The following PBX3 variants were observed in gnomAD, a reference collection of about 807,000 sequenced individuals.
PBX3 encodes PBX homeobox 3.
In PBX3, 14 loss-of-function variants were observed where a neutral mutation model predicts 48.5. That is an observed-to-expected ratio of 0.29 (90% CI 0.19 to 0.45). PBX3 has a LOEUF of 0.45. PBX3 is among the 20% of genes least tolerant of loss of function. PBX3 has a pLI of 1.00. For synonymous variants in PBX3, 210 were observed against 200.3 expected (o/e 1.05, Z -0.41); for missense variants, 386 against 546.7 (o/e 0.71, Z 2.93).
chr9:125,925,432 T>C (rs1364504254), intron 3 of PBX3, among the ~76,000 whole-genome samples: 3 of 151,986 alleles, frequency 2.0e-5, no homozygotes, highest in African/African-American at 7.2e-5. Context: ...ATTAACAGTT[T>C]TTTTGTCTTT....
At chr9:125,957,091 C>T (rs951303640) in intron 5 of PBX3, among the ~76,000 whole-genome samples, 2 of 152,194 alleles carry the variant, frequency 1.3e-5, no homozygotes, top group Admixed American at 1.3e-4. Context: ...GCAGTGTGGT[C>T]TTAATAGCTG....
chr9:125,910,601 C>T (rs1256529467), intron 2 of PBX3, among the ~76,000 whole-genome samples: 1 of 151,596 alleles, frequency 6.6e-6, no homozygotes, highest in African/African-American at 2.4e-5. Context: ...ACATGAAAAA[C>T]GTGCACACAC....
chr9:125,834,514 C>T (rs1260492096), intron 2 of PBX3, among the ~76,000 whole-genome samples: 2 of 151,770 alleles, frequency 1.3e-5, no homozygotes, highest in Non-Finnish European at 2.9e-5. Flanking sequence ...TCTCCTGCCT[C>T]AGCCTCCCGA....
At chr9:125,827,400 GCTCA>G (rs1422662046) in intron 2 of PBX3, among the ~76,000 whole-genome samples, 1 of 152,018 alleles carries the variant, frequency 6.6e-6, no homozygotes, top group African/African-American at 2.4e-5. Context: ...CATCCGTTCA[GCTCA>G]CTAACTTCCC....
Position 125,929,671 on chromosome 9 carries a change from C to T in PBX3, c.533C>T (p.Thr178Ile). Reference sequence around the variant, plus strand: ...CCATTACAGGCATGTAATGAATTTACTACACATGTGATGAACCTTCTCCGA... The same window carrying T: ...CCATTACAGGCATGTAATGAATTTATTACACATGTGATGAACCTTCTCCGA... ...EKYEQACNEFTTHVMNLLREQ... is the reference protein window; with the variant it reads ...EKYEQACNEFITHVMNLLREQ... The change falls in exon 4 of 9, where the codon ACT becomes ATT. Residue 178 changes from threonine (T) to isoleucine (I), a missense_variant. By Grantham distance (89) the Thr-to-Ile change is moderately conservative (BLOSUM62 -1). This residue lies in a region of PBX3 where 74 missense variants were observed against 206.1 expected (regional missense o/e 0.36). Coordinates refer to ENST00000373489, the MANE Select transcript of PBX3 (RefSeq NM_006195.6). 5 of 1,608,910 alleles carry T rather than the reference C, an allele frequency of 3.1e-6. No homozygotes were observed. The highest frequency in any genetic ancestry group is 4.2e-6 in the Non-Finnish European group (5 of 1,177,742).
At chr9:125,760,343 A>G (rs1226377034) in intron 2 of PBX3, among the ~76,000 whole-genome samples, 2 of 151,666 alleles carry the variant, frequency 1.3e-5, no homozygotes, top group Non-Finnish European at 2.9e-5. Flanking sequence ...TAAACAGTGC[A>G]TCTTTTTGTG....
At chr9:125,901,053 A>G (rs1392151506) in intron 2 of PBX3, among the ~76,000 whole-genome samples, 2 of 151,784 alleles carry the variant, frequency 1.3e-5, no homozygotes, top group Non-Finnish European at 3.0e-5. Context: ...TTTAAAGGTT[A>G]TTTGACACTA....
At chr9:125,934,014 C>T (rs916143190) in intron 4 of PBX3, among the ~76,000 whole-genome samples, 4 of 152,092 alleles carry the variant, frequency 2.6e-5, no homozygotes, top group Non-Finnish European at 4.4e-5. Context: ...GTCTTCGTTC[C>T]GTTCCTTCCC....
chr9:125,915,600 T>C, intron 2 of PBX3, 86 bp from the exon 3 acceptor site: 1 of 1,016,626 alleles, frequency 9.8e-7, no homozygotes, highest in African/African-American at 1.6e-5. Flanking sequence ...TGTTTGATCA[T>C]TTTCTCGAAT....
chr9:125,901,030 A>G (rs533646423), intron 2 of PBX3, among the ~76,000 whole-genome samples: 121 of 151,960 alleles, frequency 8.0e-4, no homozygotes, highest in South Asian at 1.7e-3. Flanking sequence ...ACCTTTTAGA[A>G]GCTTATTTAG....
chr9:125,953,832 T>C (rs1187423097), intron 5 of PBX3, among the ~76,000 whole-genome samples: 1 of 152,016 alleles, frequency 6.6e-6, no homozygotes, highest in Admixed American at 6.6e-5. Flanking sequence ...GAAGTTAAAA[T>C]GTAACCAGAG....
intron 2 of PBX3, among the ~76,000 whole-genome samples, chr9:125,886,108 G>A (rs1442765965): frequency 6.6e-6 from 1 of 152,000 alleles, no homozygotes; most frequent in Non-Finnish European, 1.5e-5. Context: ...TTTGAGTGAT[G>A]GGTAGATAGT....
chr9:125,885,890 T>C (rs927870316), intron 2 of PBX3, among the ~76,000 whole-genome samples: 18 of 152,088 alleles, frequency 1.2e-4, no homozygotes, highest in Non-Finnish European at 2.1e-4. Context: ...CTGTGTTAAA[T>C]ATTAAAATAT....
chr9:125,791,690 C>G (rs1207662228), intron 2 of PBX3, among the ~76,000 whole-genome samples: 1 of 151,994 alleles, frequency 6.6e-6, no homozygotes, highest in Non-Finnish European at 1.5e-5. Flanking sequence ...AATCCCAGCA[C>G]TTTGGGAGGC....
At chr9:125,943,350 C>A in intron 5 of PBX3, among the ~76,000 whole-genome samples, 1 of 48,016 alleles carries the variant, frequency 2.1e-5, no homozygotes, top group East Asian at 6.8e-4. Context: ...GTGAGACTGT[C>A]TCAAAAAAAA....
chr9:125,783,508 G>A (rs140373381), intron 2 of PBX3, among the ~76,000 whole-genome samples: 4 of 152,030 alleles, frequency 2.6e-5, no homozygotes, highest in African/African-American at 7.2e-5. Context: ...GGCTGGTTTC[G>A]AACTCCTGAC....
chr9:125,840,156 G>A (rs947927367), intron 2 of PBX3, among the ~76,000 whole-genome samples: 1 of 151,996 alleles, frequency 6.6e-6, no homozygotes, highest in Non-Finnish European at 1.5e-5. Context: ...GACTTGTCTA[G>A]CATTATGGTG....
chr9:125,862,986 C>T (rs1384540893), intron 2 of PBX3, among the ~76,000 whole-genome samples: 2 of 152,124 alleles, frequency 1.3e-5, no homozygotes, highest in Non-Finnish European at 2.9e-5. Context: ...CAACCTCTGC[C>T]TCCTGGGCTT....
chr9:125,768,129 T>G (rs983844552), intron 2 of PBX3, among the ~76,000 whole-genome samples: 1 of 145,448 alleles, frequency 6.9e-6, no homozygotes, highest in African/African-American at 2.6e-5. Context: ...TCCTTGGGGG[T>G]GGTGGGGGGC....
Sources: gnomAD v4.1 joint callset for allele counts (sites outside exome capture counted in the v4.1 genomes callset) on GRCh38, gnomAD v4.1.1 for gene constraint, gnomAD v4.1.1 regional missense constraint, MANE v1.5 for transcripts, NCBI Gene and HGNC (gene_info 2026-07-23, HGNC 2026-07-21) for gene names.